RHOJ: variants seen among roughly 807,000 people sequenced by gnomAD.
RHOJ encodes ras homolog family member J.
RHOJ carries 11 observed loss-of-function variants against 23.4 expected under a neutral mutation model. The observed-to-expected ratio is 0.47, with a 90% CI of 0.30 to 0.78. RHOJ has a LOEUF of 0.78. Among genes scored for constraint, RHOJ ranks in the 30% least tolerant of loss-of-function variants. RHOJ has a pLI of 0.08. For missense variants in RHOJ, 254 were observed against 273.4 expected, an observed-to-expected ratio of 0.93 and a Z score of 0.50; for synonymous variants, 102 against 102.7, an observed-to-expected ratio of 0.99 and a Z score of 0.04.
intron 4 of RHOJ, among the ~76,000 whole-genome samples, chr14:63,283,733 C>T (rs1470054113): frequency 6.6e-6 from 1 of 152,158 alleles, no homozygotes; most frequent in Non-Finnish European, 1.5e-5. Context: ...GGAAGGATAA[C>T]AGATACCAAA....
rs59297455 is a variant in RHOJ, at chr14:63,236,748, AACACACACACACAC to A, written c.178+31729_178+31742del. Among the ~76,000 whole-genome samples, 171 of 138,450 alleles carry A rather than the reference AACACACACACACAC, an allele frequency of 1.2e-3. 1 individual carries two copies. Among genetic ancestry groups the A allele is most frequent in the Non-Finnish European group, 2.0e-3 (128 of 63,420 alleles). The allele number at this position is 138,450 out of a possible 152,430, so 90.8% of individuals were successfully genotyped here. On this transcript the variant is annotated intron_variant, in intron 1 of 4. Transcript: ENST00000316754. The stretch of plus-strand genomic sequence containing the variant: ...TCTCTCTTCATGGGAAGAGGCTTGA[AACACACACACACAC>A]ACACACACACACACACACACACACA...
intron 4 of RHOJ, among the ~76,000 whole-genome samples, chr14:63,287,216 C>T (rs1201593832): frequency 2.0e-5 from 3 of 152,194 alleles, no homozygotes; most frequent in South Asian, 2.1e-4. Flanking sequence ...TTGCTAGAGA[C>T]AGCCCAAAAG....
At chr14:63,239,641 A>G (rs1894849957) in intron 1 of RHOJ, among the ~76,000 whole-genome samples, 1 of 152,198 alleles carries the variant, frequency 6.6e-6, no homozygotes, top group Non-Finnish European at 1.5e-5. Context: ...TAGTTATCAG[A>G]AGCTGACTTG....
At chr14:63,231,788 T>C (rs945005128) in intron 1 of RHOJ, among the ~76,000 whole-genome samples, 1 of 152,258 alleles carries the variant, frequency 6.6e-6, no homozygotes, top group African/African-American at 2.4e-5. Context: ...TTGTTGTTTC[T>C]GTTCATGTGG....
At chr14:63,258,086 G>C (rs916285229) in intron 1 of RHOJ, among the ~76,000 whole-genome samples, 1 of 149,588 alleles carries the variant, frequency 6.7e-6, no homozygotes, top group African/African-American at 2.5e-5. Context: ...AAATAAGCCA[G>C]GCTCAGTGGC....
At chr14:63,242,602 T>C (rs371754565) in intron 1 of RHOJ, among the ~76,000 whole-genome samples, 5 of 152,072 alleles carry the variant, frequency 3.3e-5, no homozygotes, top group African/African-American at 1.2e-4. Context: ...TTGTTGGGAG[T>C]TGATGTGCAG....
At chr14:63,212,507 C>T (rs1046169421) in intron 1 of RHOJ, among the ~76,000 whole-genome samples, 6 of 152,254 alleles carry the variant, frequency 3.9e-5, no homozygotes, top group Middle Eastern at 3.4e-3. Flanking sequence ...TTGATCTAAA[C>T]GTGATTCCTT....
chr14:63,266,458 G>A (rs1372424050), intron 1 of RHOJ, among the ~76,000 whole-genome samples: 1 of 152,188 alleles, frequency 6.6e-6, no homozygotes, highest in Admixed American at 6.5e-5. Context: ...GGGGTGCTTA[G>A]AATTTTGTTT....
intron 1 of RHOJ, among the ~76,000 whole-genome samples, chr14:63,264,089 C>T (rs1022863909): frequency 1.5e-4 from 23 of 151,814 alleles, no homozygotes; most frequent in Non-Finnish European, 5.9e-5. Flanking sequence ...GTGATAGTAC[C>T]GATCACCTGA....
chr14:63,248,055 A>G (rs1367601302), intron 1 of RHOJ, among the ~76,000 whole-genome samples: 3 of 152,106 alleles, frequency 2.0e-5, no homozygotes, highest in Admixed American at 6.6e-5. Flanking sequence ...TCCCTCTCAC[A>G]ACATGTGGGA....
In RHOJ at chr14:63,257,878, C is replaced by T. The variant is rs894772142; in HGVS notation, c.179-11232C>T. Among the ~76,000 whole-genome samples, 92 of 149,628 alleles carry T rather than the reference C, an allele frequency of 6.1e-4. 3 individuals are homozygous for T. The highest frequency in any genetic ancestry group is 2.2e-3 in the African/African-American group (89 of 40,656). On this transcript the variant is annotated intron_variant, in intron 1 of 4. Coordinates refer to ENST00000316754, the MANE Select transcript of RHOJ (RefSeq NM_020663.5). ...CCCTCCATCCAGGGGAAGTCTCAACCCCTCATCCACAGGGCTCCCTGGCAC... is the reference window on the plus strand; with the variant it reads ...CCCTCCATCCAGGGGAAGTCTCAACTCCTCATCCACAGGGCTCCCTGGCAC...
chr14:63,236,041 G>A (rs1377380850), intron 1 of RHOJ, among the ~76,000 whole-genome samples: 1 of 152,192 alleles, frequency 6.6e-6, no homozygotes, highest in Non-Finnish European at 1.5e-5. Context: ...TGTTTTAAAA[G>A]CAGCAATCAT....
intron 1 of RHOJ, among the ~76,000 whole-genome samples, chr14:63,210,698 G>A (rs1053366945): frequency 6.6e-5 from 10 of 152,260 alleles, no homozygotes; most frequent in South Asian, 4.1e-4. Context: ...TATTCTTACC[G>A]ATTAATGTTT....
intron 1 of RHOJ, among the ~76,000 whole-genome samples, chr14:63,224,356 C>G (rs978715258): frequency 6.6e-6 from 1 of 152,164 alleles, no homozygotes; most frequent in African/African-American, 2.4e-5. Flanking sequence ...AACTGGAGGT[C>G]TCTGCTTCAT....
At chr14:63,263,762 G>T (rs1054425596) in intron 1 of RHOJ, among the ~76,000 whole-genome samples, 2 of 152,138 alleles carry the variant, frequency 1.3e-5, no homozygotes, top group African/African-American at 4.8e-5. Flanking sequence ...TTGAGGAAAA[G>T]AATAATTCAG....
chr14:63,260,855 T>A (rs185255004), intron 1 of RHOJ, among the ~76,000 whole-genome samples: 121 of 151,974 alleles, frequency 8.0e-4, no homozygotes, highest in African/African-American at 2.8e-3. Context: ...TTTTTTTTTT[T>A]ACCATAATTA....
intron 1 of RHOJ, among the ~76,000 whole-genome samples, chr14:63,230,037 C>T (rs1290111315): frequency 6.6e-6 from 1 of 152,112 alleles, no homozygotes; most frequent in Non-Finnish European, 1.5e-5. Flanking sequence ...CCTGAGAACA[C>T]CAGCTGGTGT....
intron 1 of RHOJ, among the ~76,000 whole-genome samples, chr14:63,242,798 C>T (rs1374831854): frequency 6.6e-6 from 1 of 152,156 alleles, no homozygotes; most frequent in Non-Finnish European, 1.5e-5. Flanking sequence ...CCACTGTCAA[C>T]AGACCTATAC....
At chr14:63,287,703 A>G (rs1362247518) in intron 4 of RHOJ, among the ~76,000 whole-genome samples, 1 of 151,666 alleles carries the variant, frequency 6.6e-6, no homozygotes, top group East Asian at 1.9e-4. Flanking sequence ...CAATAAGAAA[A>G]GTGTTTTTTC....
Sources: gnomAD v4.1 joint callset for allele counts (sites outside exome capture counted in the v4.1 genomes callset) on GRCh38, gnomAD v4.1.1 for gene constraint, MANE v1.5 for transcripts, NCBI Gene and HGNC (gene_info 2026-07-23, HGNC 2026-07-21) for gene names.